Variants in SLC9A9 observed in about 807,000 individuals in gnomAD.
SLC9A9 encodes the protein sodium/hydrogen exchanger 9.
A neutral mutation model predicts 77.8 loss-of-function variants in SLC9A9; 62 were observed. The observed-to-expected ratio is 0.80, with a 90% CI of 0.65 to 0.98. The LOEUF (loss-of-function observed/expected upper bound fraction) is 0.98. Among genes scored for constraint, SLC9A9 ranks in the 50% least tolerant of loss-of-function variants. The pLI is 0.00. For synonymous variants in SLC9A9, 320 were observed against 283.5 expected (o/e 1.13, Z -1.29); for missense variants, 775 against 774.9 (o/e 1.00, Z 0.00).
chr3:143,534,515 A>G (rs2036560393), intron 9 of SLC9A9, among the ~76,000 whole-genome samples: 3 of 152,204 alleles, frequency 2.0e-5, no homozygotes, highest in Non-Finnish European at 4.4e-5. Context: ...GGGTCAGGCA[A>G]TGATGCTGCT....
rs745537815 is a variant in SLC9A9 at position 143,796,850 on chromosome 3, A to G, written c.432T>C (p.Phe144=). The G allele has an allele frequency of 1.2e-6, 2 of 1,611,780 alleles. No individual in the cohort carries two copies. The highest frequency in any genetic ancestry group is 1.7e-6 in the Non-Finnish European group (2 of 1,178,404). Residue 144 remains phenylalanine (F), a synonymous_variant, in exon 3 of 16, where the codon TTT becomes TTC. Transcript: ENST00000316549. ...CCTTCTTTAGACTATATCCTGCATGAAATATAATTGGTGGCAGTAAAACAT... is the reference window on the plus strand; with the variant it reads ...CCTTCTTTAGACTATATCCTGCATGGAATATAATTGGTGGCAGTAAAACAT... The part of the protein sequence containing the change: ...FFNVLLPPII[F]HAGYSLKKRH...
intron 9 of SLC9A9, among the ~76,000 whole-genome samples, chr3:143,497,367 A>C (rs1039447500): frequency 1.3e-5 from 2 of 152,140 alleles, no homozygotes; most frequent in African/African-American, 2.4e-5. Context: ...CCTAGCTCAA[A>C]TATGGAGCAT....
intron 2 of SLC9A9, among the ~76,000 whole-genome samples, chr3:143,823,219 GTGAGACTGTAGACAAGTGACATTGAGAA>G (rs1190245385): frequency 2.6e-5 from 4 of 152,174 alleles, no homozygotes; most frequent in Non-Finnish European, 5.9e-5. Flanking sequence ...CCACAGTCTA[GTGAGACTGTAGACAAGTGACATTGAGAA>G]GACAGACATG....
chr3:143,727,506 A>C (rs891711562), intron 4 of SLC9A9, among the ~76,000 whole-genome samples: 1 of 151,980 alleles, frequency 6.6e-6, no homozygotes, highest in Non-Finnish European at 1.5e-5. Flanking sequence ...TGAGAACCAA[A>C]ATTTCTCTGA....
At chr3:143,794,777 T>C (rs1486934149) in intron 4 of SLC9A9, among the ~76,000 whole-genome samples, 1 of 152,174 alleles carries the variant, frequency 6.6e-6, no homozygotes, top group Non-Finnish European at 1.5e-5. Context: ...AAGTCAGAAG[T>C]CCAGAACTCA....
chr3:143,361,122 G>A (rs928706107), intron 14 of SLC9A9, among the ~76,000 whole-genome samples: 1 of 152,218 alleles, frequency 6.6e-6, no homozygotes, highest in Non-Finnish European at 1.5e-5. Flanking sequence ...CCAATTCCTT[G>A]AAATAAATCT....
At chr3:143,272,212 A>C (rs552462578) in intron 14 of SLC9A9, among the ~76,000 whole-genome samples, 1 of 152,290 alleles carries the variant, frequency 6.6e-6, no homozygotes, top group South Asian at 2.1e-4. Context: ...TCCATCATAC[A>C]CTCACAGGTT....
chr3:143,746,965 C>T (rs116137066), intron 4 of SLC9A9, among the ~76,000 whole-genome samples: 371 of 152,146 alleles, frequency 2.4e-3, no homozygotes, highest in African/African-American at 8.5e-3. Flanking sequence ...CCTTCAAACG[C>T]GACATATTTT....
intron 6 of SLC9A9, among the ~76,000 whole-genome samples, chr3:143,637,269 TAC>T (rs4024564): frequency 0.54 from 82,327 of 151,770 alleles, 22,828 homozygotes; most frequent in Non-Finnish European, 0.63. Flanking sequence ...AAAAATTTAC[TAC>T]AGAGATAGAT....
intron 14 of SLC9A9, among the ~76,000 whole-genome samples, chr3:143,329,895 C>T (rs1374965269): frequency 6.6e-6 from 1 of 152,214 alleles, no homozygotes; most frequent in Non-Finnish European, 1.5e-5. Flanking sequence ...TTCCTCCCTA[C>T]AGGTTCTGGC....
At chr3:143,440,658 C>A (rs189992887) in intron 12 of SLC9A9, among the ~76,000 whole-genome samples, 42 of 152,288 alleles carry the variant, frequency 2.8e-4, no homozygotes, top group African/African-American at 7.7e-4. Context: ...CCACAGCAAG[C>A]CTTTGCTTAC....
intron 14 of SLC9A9, among the ~76,000 whole-genome samples, chr3:143,273,432 C>T (rs1267048164): frequency 6.6e-6 from 1 of 152,090 alleles, no homozygotes; most frequent in East Asian, 1.9e-4. Context: ...TCTCTCTCTC[C>T]CTCTTCCCAC....
chr3:143,769,048 TC>T (rs2007424801), intron 4 of SLC9A9, among the ~76,000 whole-genome samples: 1 of 152,158 alleles, frequency 6.6e-6, no homozygotes. Flanking sequence ...CTTAGTTTCC[TC>T]ACTTGTATGG....
At chr3:143,810,611 G>A (rs917225420) in intron 2 of SLC9A9, among the ~76,000 whole-genome samples, 2 of 152,328 alleles carry the variant, frequency 1.3e-5, no homozygotes, top group Non-Finnish European at 2.9e-5. Flanking sequence ...AATGAAATGT[G>A]TGCTTTCCAA....
chr3:143,451,758 A>T (rs2035012076), intron 12 of SLC9A9, among the ~76,000 whole-genome samples: 1 of 152,182 alleles, frequency 6.6e-6, no homozygotes, highest in African/African-American at 2.4e-5. Context: ...GCGTATGAAC[A>T]TATATGGAGG....
intron 11 of SLC9A9, among the ~76,000 whole-genome samples, chr3:143,471,609 T>C (rs936097812): frequency 1.3e-5 from 2 of 152,240 alleles, no homozygotes; most frequent in Non-Finnish European, 2.9e-5. Flanking sequence ...TTGTGTTTTG[T>C]ATTGTTTTAT....
At chr3:143,772,640 C>T (rs746177699) in intron 4 of SLC9A9, among the ~76,000 whole-genome samples, 3 of 152,116 alleles carry the variant, frequency 2.0e-5, no homozygotes, top group African/African-American at 7.2e-5. Context: ...AGATAAATAC[C>T]GCAGATGCCT....
chr3:143,749,209 G>C (rs1935276680), intron 4 of SLC9A9, among the ~76,000 whole-genome samples: 1 of 151,924 alleles, frequency 6.6e-6, no homozygotes, highest in Admixed American at 6.6e-5. Flanking sequence ...GCCTTATTTG[G>C]AGCATTGCTA....
chr3:143,742,533 G>A (rs1935098201), intron 4 of SLC9A9, among the ~76,000 whole-genome samples: 2 of 152,230 alleles, frequency 1.3e-5, no homozygotes, highest in South Asian at 4.1e-4. Context: ...CAATATATCT[G>A]ACCAGTAGTC....
Sources: gnomAD v4.1 joint callset for allele counts (sites outside exome capture counted in the v4.1 genomes callset) on GRCh38, gnomAD v4.1.1 for gene constraint, MANE v1.5 for transcripts, NCBI Gene and HGNC (gene_info 2026-07-23, HGNC 2026-07-21) for gene names.